HS3ST5: variants seen among roughly 807,000 people sequenced by gnomAD.
HS3ST5 encodes the protein heparan sulfate glucosamine 3-O-sulfotransferase 5.
A neutral mutation model predicts 25.4 loss-of-function variants in HS3ST5; 10 were observed. The observed-to-expected ratio is 0.39, with a 90% CI of 0.24 to 0.67. HS3ST5 has a LOEUF of 0.67. HS3ST5 is among the 30% of genes least tolerant of loss of function. HS3ST5 has a pLI of 0.44. For synonymous variants in HS3ST5, 170 were observed against 162.4 expected (o/e 1.05, Z -0.36); for missense variants, 324 against 420.7 (o/e 0.77, Z 2.01).
Position 114,259,646 on chromosome 6 carries a change from T to TA in HS3ST5, c.-338-30869dup, listed in dbSNP as rs1393928115. On this transcript the variant is annotated intron_variant, in intron 1 of 4. Transcript: ENST00000312719. ...TGGTTATGCTGTTAAACACTCAAGT[T>TA]AAAATCAATGTGGTACGTCAATGTA... 2.6e-5 allele frequency among the ~76,000 whole-genome samples: 4 copies of TA among 152,360 alleles called. No homozygotes were observed. The East Asian group carries it at 7.7e-4, about 29-fold the overall frequency.
intron 1 of HS3ST5, among the ~76,000 whole-genome samples, chr6:114,334,193 C>A (rs1776517014): frequency 6.6e-6 from 1 of 152,190 alleles, no homozygotes; most frequent in Non-Finnish European, 1.5e-5. Context: ...AGACAACAGT[C>A]CTTGAGCCTT....
chr6:114,243,781 T>G (rs1772252105), intron 1 of HS3ST5, among the ~76,000 whole-genome samples: 1 of 152,212 alleles, frequency 6.6e-6, no homozygotes, highest in Admixed American at 6.5e-5. Context: ...ACCATGTGAC[T>G]TGTGTTGTTC....
chr6:114,216,129 T>C (rs950244322), intron 2 of HS3ST5, among the ~76,000 whole-genome samples: 14 of 152,188 alleles, frequency 9.2e-5, no homozygotes, highest in African/African-American at 2.4e-4. Context: ...ACATGCCTAG[T>C]AGGGTCCCAG....
At chr6:114,114,711 A>G (rs192728892) in intron 3 of HS3ST5, among the ~76,000 whole-genome samples, 49 of 152,236 alleles carry the variant, frequency 3.2e-4, no homozygotes, top group Admixed American at 3.0e-3. Flanking sequence ...ATCATAGTAT[A>G]ATATCTAAAT....
intron 2 of HS3ST5, chr6:114,220,640 T>C (rs931502444): frequency 6.6e-6 from 1 of 152,012 alleles, no homozygotes; most frequent in Non-Finnish European, 1.5e-5. Flanking sequence ...AGTCATTTCA[T>C]GGCTTCATAA....
intron 3 of HS3ST5, among the ~76,000 whole-genome samples, chr6:114,098,616 G>C (rs1018819441): frequency 1.3e-5 from 2 of 150,764 alleles, no homozygotes; most frequent in Non-Finnish European, 3.0e-5. Flanking sequence ...GCTTGAGCGT[G>C]AAAGACAACT....
At chr6:114,088,781 A>G (rs1309573514) in intron 3 of HS3ST5, among the ~76,000 whole-genome samples, 3 of 152,180 alleles carry the variant, frequency 2.0e-5, no homozygotes, top group Non-Finnish European at 4.4e-5. Context: ...CAGACTCAAC[A>G]TTTCATAATT....
chr6:114,131,887 G>T (rs971967806), intron 3 of HS3ST5, among the ~76,000 whole-genome samples: 4 of 152,082 alleles, frequency 2.6e-5, no homozygotes, highest in Non-Finnish European at 5.9e-5. Context: ...CCTTTCACTG[G>T]TGCCAAGGGA....
At chr6:114,212,982 C>G (rs930061683) in intron 2 of HS3ST5, among the ~76,000 whole-genome samples, 5 of 152,120 alleles carry the variant, frequency 3.3e-5, no homozygotes, top group African/African-American at 1.2e-4. Context: ...AATGTGACAG[C>G]CTTCTGTATC....
intron 2 of HS3ST5, among the ~76,000 whole-genome samples, chr6:114,195,103 CGA>C (rs1649467235): frequency 6.6e-6 from 1 of 152,150 alleles, no homozygotes; most frequent in African/African-American, 2.4e-5. Flanking sequence ...CCACTTTACC[CGA>C]GAGTTTCAAG....
chr6:114,154,581 C>G (rs2114968338), intron 3 of HS3ST5, among the ~76,000 whole-genome samples: 1 of 152,246 alleles, frequency 6.6e-6, no homozygotes, highest in African/African-American at 2.4e-5. Flanking sequence ...TGAATAAATC[C>G]TTGAGGGGCT....
At chr6:114,338,331 A>T (rs1257433431) in intron 1 of HS3ST5, among the ~76,000 whole-genome samples, 1 of 151,672 alleles carries the variant, frequency 6.6e-6, no homozygotes, top group Admixed American at 6.6e-5. Context: ...ACATACATAT[A>T]CATAAATATA....
chr6:114,320,772 T>C (rs946661348), intron 1 of HS3ST5, among the ~76,000 whole-genome samples: 9 of 151,830 alleles, frequency 5.9e-5, no homozygotes, highest in Admixed American at 5.3e-4. Flanking sequence ...TTGAGAAAAA[T>C]TTGCACAGCT....
intron 3 of HS3ST5, chr6:114,132,322 C>T (rs978115786): frequency 6.6e-6 from 1 of 152,208 alleles, no homozygotes; most frequent in African/African-American, 2.4e-5. Context: ...TGTTTTCAGA[C>T]AACCAATGCA....
chr6:114,215,229 C>T (rs112419450), intron 2 of HS3ST5, among the ~76,000 whole-genome samples: 10,572 of 152,114 alleles, frequency 0.07, 426 homozygotes, highest in African/African-American at 0.083. Flanking sequence ...TGGCATGAAT[C>T]CGGGAGGCGG....
intron 1 of HS3ST5, among the ~76,000 whole-genome samples, chr6:114,338,130 C>G (rs1267323399): frequency 6.6e-6 from 1 of 151,952 alleles, no homozygotes; most frequent in Non-Finnish European, 1.5e-5. Flanking sequence ...TTTTCAATAT[C>G]AAACTAGTAG....
At chr6:114,180,871 C>T (rs1779940901) in intron 2 of HS3ST5, among the ~76,000 whole-genome samples, 1 of 152,144 alleles carries the variant, frequency 6.6e-6, no homozygotes, top group South Asian at 2.1e-4. Context: ...TAGCAGGTAT[C>T]CCTCAGAGCT....
intron 2 of HS3ST5, among the ~76,000 whole-genome samples, chr6:114,204,134 T>C (rs1277228082): frequency 6.6e-6 from 1 of 152,210 alleles, no homozygotes; most frequent in Non-Finnish European, 1.5e-5. Context: ...TACATTTTCC[T>C]GTGAAAAGCT....
At chr6:114,142,637 T>C (rs552441094) in intron 3 of HS3ST5, 2 of 152,302 alleles carry the variant, frequency 1.3e-5, no homozygotes, top group Non-Finnish European at 1.5e-5. Context: ...TACAGGTAAA[T>C]GCCATTTACA....
Sources: allele counts gnomAD v4.1 joint callset (sites outside exome capture counted in the v4.1 genomes callset), GRCh38; gene constraint gnomAD v4.1.1; transcripts MANE v1.5; gene names NCBI Gene and HGNC (gene_info 2026-07-23, HGNC 2026-07-21).